Variants in EPG5 observed in about 807,000 individuals in gnomAD.
EPG5 encodes the protein ectopic P-granules 5 autophagy tethering factor.
A neutral mutation model predicts 302.7 loss-of-function variants in EPG5; 159 were observed. The ratio of observed to expected loss-of-function variants is 0.53; its 90% CI spans 0.46 to 0.60. EPG5 has a LOEUF of 0.60. Among genes scored for constraint, EPG5 ranks in the 20% least tolerant of loss-of-function variants. EPG5 has a pLI of 0.00. For missense variants in EPG5, 2,896 were observed against 3,092.4 expected, an observed-to-expected ratio of 0.94 and a Z score of 1.51; for synonymous variants, 1,158 against 1,136.8, an observed-to-expected ratio of 1.02 and a Z score of -0.37.
Position 45,916,079 on chromosome 18 carries a change from T to G in EPG5, c.3512A>C (p.His1171Pro), listed in dbSNP as rs1400525515. The change falls in exon 19 of 44, where the codon CAC becomes CCC. Residue 1171 changes from histidine to proline, a missense_variant. Coordinates refer to ENST00000282041, the MANE Select transcript of EPG5 (RefSeq NM_020964.3). Reference protein sequence around the residue: ...REQPILFLMDHLCKAAFQLMQ... With the variant: ...REQPILFLMDPLCKAAFQLMQ... ...CAGCTGAAAAGCTGCTTTACACAAG[T>G]GGTCCATGAGGAAGAGGATAGGTTG... The G allele has an allele frequency of 6.2e-7, 1 of 1,614,078 alleles. No individual in the cohort carries two copies. Among genetic ancestry groups the G allele is most frequent in the Non-Finnish European group, 8.5e-7 (1 of 1,180,026 alleles).
At chr18:45,826,181 G>C in the EPG5 span, among the ~76,000 whole-genome samples, 1 of 152,118 alleles carries the variant, frequency 6.6e-6, no homozygotes, top group East Asian at 1.9e-4. Flanking sequence ...AGGGCGGGGA[G>C]TGCATGGGCG....
the EPG5 span, among the ~76,000 whole-genome samples, chr18:45,822,615 T>C: frequency 6.6e-6 from 1 of 152,196 alleles, no homozygotes; most frequent in East Asian, 1.9e-4. Flanking sequence ...CTTGATGTGG[T>C]CACTAGACAT....
At chr18:45,828,373 C>T in the EPG5 span, among the ~76,000 whole-genome samples, 1 of 152,164 alleles carries the variant, frequency 6.6e-6, no homozygotes. Flanking sequence ...CCCAGGGGCT[C>T]CCCACATAGC....
At chr18:45,906,104 G>A (rs143953990) in intron 24 of EPG5, among the ~76,000 whole-genome samples, 1 of 152,008 alleles carries the variant, frequency 6.6e-6, no homozygotes, top group Non-Finnish European at 1.5e-5. Context: ...CTGAATTCTA[G>A]ATATATACCT....
At chr18:45,859,089 G>C (rs1423584746) in intron 40 of EPG5, among the ~76,000 whole-genome samples, 1 of 152,162 alleles carries the variant, frequency 6.6e-6, no homozygotes, top group Non-Finnish European at 1.5e-5. Flanking sequence ...ATCACATTAT[G>C]ATCCTTAAAA....
Position 45,943,197 on chromosome 18 carries a change from T to A in EPG5, c.1907A>T (p.Tyr636Phe). 1 of 1,614,162 alleles carries A rather than the reference T, an allele frequency of 6.2e-7. No homozygotes were observed. The highest frequency in any genetic ancestry group is 8.5e-7 in the Non-Finnish European group (1 of 1,180,024). Residue 636 changes from tyrosine (Y) to phenylalanine (F), a missense_variant, in exon 9 of 44, where the codon TAT becomes TTT. By Grantham distance (22) the Tyr-to-Phe change is conservative. Coordinates refer to ENST00000282041, the MANE Select transcript of EPG5 (RefSeq NM_020964.3). ...ACCAATTCGCTTCACAAACTGCCTA[T>A]AGCGTGCTCTATTAAAGGTTTCTAA... ...VGLETFNRAR[Y>F]RQFVKRIGYM... is the part of the protein sequence containing the mutation.
At position 45,858,560 on chromosome 18, in the gene EPG5, A is replaced by G. The variant is rs775743724; in HGVS notation, c.7226+6T>C. 2.4e-5 allele frequency: 39 copies of G among 1,611,928 alleles called. No homozygotes were observed. Among genetic ancestry groups the G allele is most frequent in the East Asian group, 8.9e-5 (4 of 44,890 alleles). Reference sequence around the variant, plus strand: ...GTTTGATGTAACAGCCTGAGGGCCAACGTACCTTGGGTACACCTGTTCCAG... The same window carrying G: ...GTTTGATGTAACAGCCTGAGGGCCAGCGTACCTTGGGTACACCTGTTCCAG... On this transcript the variant is annotated splice_donor_region_variant and intron_variant, in intron 41 of 43. Coordinates refer to ENST00000282041, the MANE Select transcript of EPG5 (RefSeq NM_020964.3).
chr18:45,917,894 A>G, intron 16 of EPG5, 75 bp from the exon 17 acceptor site: 2 of 1,529,520 alleles, frequency 1.3e-6, no homozygotes, highest in Non-Finnish European at 1.8e-6. Flanking sequence ...ATGAGTTATG[A>G]GCCTTCAATA....
chr18:45,836,579 A>G, the EPG5 span, among the ~76,000 whole-genome samples: 1 of 152,104 alleles, frequency 6.6e-6, no homozygotes, highest in Admixed American at 6.5e-5. Flanking sequence ...CTGCTTCCAG[A>G]CCCTGGCTCA....
downstream of EPG5, chr18:45,844,044 G>C (rs2048346426): frequency 6.6e-6 from 1 of 151,304 alleles, no homozygotes; most frequent in South Asian, 2.1e-4. Context: ...ATCCACGAAT[G>C]AATGAAGAAA....
intron 20 of EPG5, among the ~76,000 whole-genome samples, 194 bp from the exon 21 acceptor site, chr18:45,914,022 T>C (rs1191481597): frequency 6.6e-6 from 1 of 152,208 alleles, no homozygotes. Context: ...AAATAGATCA[T>C]TGGAAAATGT....
At chr18:45,828,228 T>C in the EPG5 span, among the ~76,000 whole-genome samples, 3 of 152,184 alleles carry the variant, frequency 2.0e-5, no homozygotes, top group African/African-American at 7.2e-5. Flanking sequence ...GTCCCTTCCC[T>C]AGCCCAGAAC....
chr18:45,847,953 G>A lies in EPG5; in HGVS notation c.*4514C>T, dbSNP rs500904. 9,240 of 152,296 alleles carry A rather than the reference G, an allele frequency of 0.061. 532 individuals are homozygous for A. The highest frequency in any genetic ancestry group is 0.15 in the African/African-American group (6,328 of 41,336). 9.4% of individuals were successfully genotyped at this position (152,296 alleles called of 1,614,324 possible). ...AAGTTATAATCAACAACATTCCTTC[G>A]CAATTTCATTATCCCAAAAGAGGAT... On this transcript the variant is annotated 3_prime_UTR_variant, in exon 44 of 44. Transcript: ENST00000282041.
At chr18:45,813,172 T>A in the EPG5 span, among the ~76,000 whole-genome samples, 1 of 152,168 alleles carries the variant, frequency 6.6e-6, no homozygotes, top group East Asian at 1.9e-4. Flanking sequence ...AAAATGCTCA[T>A]CATGACTGGC....
In EPG5 at chr18:45,876,314, C is replaced by A; in HGVS notation, c.5971G>T (p.Glu1991Ter). Residue 1991 changes from glutamate (E) to a stop codon, truncating the protein, a stop_gained, in exon 35 of 44, where the codon GAG becomes TAG. Transcript: ENST00000282041. LOFTEE classifies it high-confidence loss of function. ...CTTGAGGCCACCACAGTATCACTCT[C>A]TAGCCAGGGGTAATGCCGCTGTTGG... is the stretch of plus-strand genomic sequence containing the variant. ...SSQQRHYPWL[E>*]SDTVVASSIV... The A allele has an allele frequency of 3.1e-6, 5 of 1,614,134 alleles. No individual in the cohort carries two copies. The highest frequency in any genetic ancestry group is 4.2e-6 in the Non-Finnish European group (5 of 1,179,988).
chr18:45,965,844 AG>A (rs1460255595), intron 1 of EPG5, among the ~76,000 whole-genome samples: 16 of 151,208 alleles, frequency 1.1e-4, no homozygotes, highest in African/African-American at 3.2e-4. Context: ...ACCTGAGGTC[AG>A]GAGTTTGAGG....
At chr18:45,940,357 G>A (rs1249802787) in intron 9 of EPG5, among the ~76,000 whole-genome samples, 2 of 152,238 alleles carry the variant, frequency 1.3e-5, no homozygotes, top group African/African-American at 4.8e-5. Flanking sequence ...CCTGAGTGCA[G>A]TGGGGAGCAC....
rs549205049 is a variant in EPG5 at position 45,847,952 on chromosome 18, C to T, written c.*4515G>A. ...AAAGTTATAATCAACAACATTCCTT[C>T]GCAATTTCATTATCCCAAAAGAGGA... On this transcript the variant is annotated 3_prime_UTR_variant, in exon 44 of 44. Coordinates refer to ENST00000282041, the MANE Select transcript of EPG5 (RefSeq NM_020964.3). 77 of 152,496 alleles carry T rather than the reference C, an allele frequency of 5.0e-4. No individual in the cohort carries two copies. The highest frequency in any genetic ancestry group is 9.7e-4 in the East Asian group (5 of 5,176). The allele number at this position is 152,496 out of a possible 1,614,324, so 9.4% of individuals were successfully genotyped here.
chr18:45,891,503 A>AG (rs2049347862), intron 27 of EPG5, among the ~76,000 whole-genome samples: 1 of 151,674 alleles, frequency 6.6e-6, no homozygotes, highest in African/African-American at 2.4e-5. Flanking sequence ...CGTCTCAAAA[A>AG]AAAAAAAAAA....
Sources: gnomAD v4.1 joint callset for allele counts (sites outside exome capture counted in the v4.1 genomes callset) on GRCh38, gnomAD v4.1.1 for gene constraint, MANE v1.5 for transcripts, NCBI Gene and HGNC (gene_info 2026-07-23, HGNC 2026-07-21) for gene names.